The following ACTR3C variants were observed in gnomAD, a reference collection of about 807,000 sequenced individuals.
ACTR3C encodes actin-related protein 3C.
In ACTR3C, 18 loss-of-function variants were observed where a neutral mutation model predicts 26.3. The ratio of observed to expected loss-of-function variants is 0.68; its 90% confidence interval spans 0.47 to 1.01. The LOEUF is 1.01. ACTR3C is among the 50% of genes least tolerant of loss of function. The probability of loss-of-function intolerance (pLI) is 0.00; values close to 1 mark genes in which losing one functional copy is unlikely to be tolerated. For synonymous variants in ACTR3C, 55 were observed against 94.5 expected (o/e 0.58, Z 2.42); for missense variants, 184 against 250.7 (o/e 0.73, Z 1.80).
At chr7:149,885,826 G>A in the ACTR3C span, among the ~76,000 whole-genome samples, 5 of 152,248 alleles carry the variant, frequency 3.3e-5, no homozygotes, top group Non-Finnish European at 5.9e-5. Context: ...AATTGATTCA[G>A]CAAACATATT....
the ACTR3C span, among the ~76,000 whole-genome samples, chr7:150,051,979 G>A: frequency 1.6e-4 from 24 of 152,386 alleles, no homozygotes; most frequent in African/African-American, 5.3e-4. Flanking sequence ...TTCTCTGGGT[G>A]CTGAGGGAGA....
At chr7:150,057,884 A>T in the ACTR3C span, among the ~76,000 whole-genome samples, 1 of 152,194 alleles carries the variant, frequency 6.6e-6, no homozygotes, top group Non-Finnish European at 1.5e-5. Flanking sequence ...AAAGCAAGTG[A>T]TCCACAGACT....
the ACTR3C span, among the ~76,000 whole-genome samples, chr7:149,917,689 T>A: frequency 7.3e-6 from 1 of 137,062 alleles, no homozygotes; most frequent in Non-Finnish European, 1.5e-5. Flanking sequence ...CAGGCTGGAG[T>A]GCAGTGGTGC....
At position 150,296,575 on chromosome 7, in the gene ACTR3C, G is replaced by T. The variant is rs867165538; in HGVS notation, c.-51-1228C>A. On this transcript the variant is annotated intron_variant, in intron 1 of 7. Coordinates refer to ENST00000683684, the MANE Select transcript of ACTR3C (RefSeq NM_001164458.2). The stretch of plus-strand genomic sequence containing the variant: ...CATTTTTCCTTGTCAACAAATATGG[G>T]TCTATATCTCGTATTTAAAACTGAA... Among the ~76,000 whole-genome samples the T allele has an allele frequency of 6.8e-5, 10 of 147,630 alleles. No homozygotes were observed. In the South Asian group the frequency reaches 1.5e-3, roughly 23 times the overall value.
chr7:150,200,822 T>G, the ACTR3C span, among the ~76,000 whole-genome samples: 1 of 152,236 alleles, frequency 6.6e-6, no homozygotes, highest in East Asian at 1.9e-4. Flanking sequence ...TGAGATAAAA[T>G]ATTATATGTT....
the ACTR3C span, chr7:149,881,516 C>CTTTG: frequency 6.5e-6 from 1 of 152,896 alleles, no homozygotes; most frequent in South Asian, 2.1e-4. Flanking sequence ...TGAGGTGTTC[C>CTTTG]TTTGTTTCCT....
At chr7:149,997,611 A>G in the ACTR3C span, among the ~76,000 whole-genome samples, 1 of 151,490 alleles carries the variant, frequency 6.6e-6, no homozygotes, top group South Asian at 2.1e-4. Context: ...GCAATTCCAC[A>G]TAAAGGCAGG....
chr7:149,985,391 C>G, the ACTR3C span, among the ~76,000 whole-genome samples: 1 of 152,140 alleles, frequency 6.6e-6, no homozygotes, highest in South Asian at 2.1e-4. Context: ...AGTACCCACA[C>G]CGGTGATAGG....
chr7:150,105,124 C>A, the ACTR3C span, among the ~76,000 whole-genome samples: 1 of 150,374 alleles, frequency 6.7e-6, no homozygotes, highest in African/African-American at 2.5e-5. Flanking sequence ...ACTCTTTCAC[C>A]CGGGCCAGAC....
chr7:150,066,456 C>T, the ACTR3C span, among the ~76,000 whole-genome samples: 1 of 152,238 alleles, frequency 6.6e-6, no homozygotes, highest in Non-Finnish European at 1.5e-5. Context: ...GCAGTAGTAT[C>T]TTTCTTGCTA....
chr7:150,138,995 A>T, the ACTR3C span, among the ~76,000 whole-genome samples: 3 of 152,304 alleles, frequency 2.0e-5, no homozygotes, highest in African/African-American at 7.2e-5. Flanking sequence ...TTGCAGGAAA[A>T]CAAGTTCAGG....
At chr7:150,200,127 A>C in the ACTR3C span, among the ~76,000 whole-genome samples, 1 of 152,230 alleles carries the variant, frequency 6.6e-6, no homozygotes, top group Non-Finnish European at 1.5e-5. Flanking sequence ...AATGAAGAAG[A>C]ACCTTATTTA....
At chr7:149,966,879 G>A in the ACTR3C span, among the ~76,000 whole-genome samples, 2 of 151,266 alleles carry the variant, frequency 1.3e-5, no homozygotes, top group Admixed American at 1.3e-4. Context: ...GTGTGTGTGG[G>A]GGGACAGAGT....
chr7:150,082,126 A>T, the ACTR3C span, among the ~76,000 whole-genome samples: 1 of 152,202 alleles, frequency 6.6e-6, no homozygotes, highest in Admixed American at 6.5e-5. Flanking sequence ...TGAGCTTAGA[A>T]AGCTTGTGAA....
chr7:150,039,525 T>C, the ACTR3C span, among the ~76,000 whole-genome samples: 2 of 79,450 alleles, frequency 2.5e-5, no homozygotes, highest in Non-Finnish European at 5.6e-5. Context: ...TGCCTCCCCC[T>C]CCTGCGATGG....
the ACTR3C span, among the ~76,000 whole-genome samples, chr7:149,908,865 TC>T: frequency 2.0e-5 from 3 of 151,268 alleles, no homozygotes; most frequent in African/African-American, 4.9e-5. Flanking sequence ...CACTGCAACC[TC>T]CACCCCCCAG....
the ACTR3C span, among the ~76,000 whole-genome samples, chr7:150,035,202 G>A: frequency 3.2e-5 from 4 of 126,502 alleles, no homozygotes; most frequent in Admixed American, 2.2e-4. Context: ...CCCGCCTCAC[G>A]GGGGGTGCCT....
the ACTR3C span, among the ~76,000 whole-genome samples, chr7:150,081,547 T>A: frequency 1.3e-5 from 2 of 151,556 alleles, no homozygotes; most frequent in Non-Finnish European, 2.9e-5. Context: ...TTGTTAAAAA[T>A]GGTGACAGTC....
At chr7:150,019,362 G>C in the ACTR3C span, among the ~76,000 whole-genome samples, 1 of 149,932 alleles carries the variant, frequency 6.7e-6, no homozygotes, top group Non-Finnish European at 1.5e-5. Context: ...GGGAGGCCAA[G>C]GAGGGCAGAT....
Sources: allele counts gnomAD v4.1 joint callset (sites outside exome capture counted in the v4.1 genomes callset), GRCh38; gene constraint gnomAD v4.1.1; transcripts MANE v1.5; gene names NCBI Gene and HGNC (gene_info 2026-07-23, HGNC 2026-07-21).